The following RGS6 variants were observed in gnomAD, a reference collection of about 807,000 sequenced individuals.
RGS6 encodes the protein regulator of G-protein signaling 6.
A neutral mutation model predicts 78.5 loss-of-function variants in RGS6; 30 were observed. That is an observed-to-expected ratio of 0.38 (90% CI 0.29 to 0.52). The LOEUF is 0.52. Ranked by LOEUF, RGS6 falls within the 20% of genes least tolerant of loss-of-function variation. The probability of loss-of-function intolerance (pLI) is 0.85; values close to 1 mark genes in which losing one functional copy is unlikely to be tolerated. For synonymous variants in RGS6, 206 were observed against 206.0 expected (o/e 1.00, Z 0.00); for missense variants, 495 against 609.7 (o/e 0.81, Z 1.98).
chr14:72,329,392 G>A (rs566928765), intron 2 of RGS6, among the ~76,000 whole-genome samples: 7 of 152,248 alleles, frequency 4.6e-5, no homozygotes, highest in Non-Finnish European at 7.3e-5. Context: ...TCACACTCCA[G>A]GTGGGCAAGG....
chr14:72,176,077 G>A (rs1416712784), intron 2 of RGS6, among the ~76,000 whole-genome samples: 1 of 152,188 alleles, frequency 6.6e-6, no homozygotes, highest in African/African-American at 2.4e-5. Flanking sequence ...TAAATTCCAA[G>A]TGGCAAATCT....
chr14:72,365,211 A>G (rs2082237335), intron 3 of RGS6, among the ~76,000 whole-genome samples: 1 of 152,258 alleles, frequency 6.6e-6, no homozygotes, highest in African/African-American at 2.4e-5. Context: ...AAAAGAATGT[A>G]CTTGCCAAAA....
intron 14 of RGS6, among the ~76,000 whole-genome samples, 160 bp downstream of exon 14, chr14:72,510,439 T>C (rs1324066904): frequency 6.6e-6 from 1 of 152,230 alleles, no homozygotes; most frequent in African/African-American, 2.4e-5. Context: ...CAAATTAAAA[T>C]ATGTAACTCT....
In RGS6 at chr14:71,954,421, G is replaced by A. The variant is rs1318040966; in HGVS notation, c.-20-10351G>A. On this transcript the variant is annotated intron_variant, in intron 1 of 17. Coordinates refer to ENST00000553525, the MANE Select transcript of RGS6 (RefSeq NM_001204424.2). Reference sequence around the variant, plus strand: ...TTCATGATTGACTTTCAAGCTCATGGAGTCTTAAAAAATTTCTTAAATTTT... The same window carrying A: ...TTCATGATTGACTTTCAAGCTCATGAAGTCTTAAAAAATTTCTTAAATTTT... 4.0e-5 allele frequency among the ~76,000 whole-genome samples: 6 copies of A among 151,676 alleles called. No individual in the cohort carries two copies. The South Asian group carries it at 8.3e-4, about 21-fold the overall frequency.
intron 3 of RGS6, among the ~76,000 whole-genome samples, chr14:72,444,413 G>C (rs1026392355): frequency 6.6e-6 from 1 of 152,152 alleles, no homozygotes; most frequent in Non-Finnish European, 1.5e-5. Context: ...AGTGGCCAAG[G>C]GCTTCCCCGC....
rs117976408 is a variant in RGS6 at position 72,495,828 on chromosome 14, G to A, written c.965+566G>A. 6.3e-3 allele frequency among the ~76,000 whole-genome samples: 961 copies of A among 152,234 alleles called. 5 individuals carry two copies. The highest frequency in any genetic ancestry group is 0.01 in the Non-Finnish European group (682 of 68,012). On this transcript the variant is annotated intron_variant, in intron 13 of 17. Coordinates refer to ENST00000553525, the MANE Select transcript of RGS6 (RefSeq NM_001204424.2). ...TTCTTCTGGAGTAACTGCCAGCAAC[G>A]ATTCCAGCCAGTTTCTCCTTCCCTG... is the stretch of plus-strand genomic sequence containing the variant.
chr14:72,284,306 T>C (rs1231459750), intron 2 of RGS6, among the ~76,000 whole-genome samples: 1 of 152,124 alleles, frequency 6.6e-6, no homozygotes, highest in Non-Finnish European at 1.5e-5. Context: ...CTCCAGGGCA[T>C]GTCAGATAAC....
At chr14:72,186,936 A>T (rs1270391275) in intron 2 of RGS6, among the ~76,000 whole-genome samples, 1 of 152,202 alleles carries the variant, frequency 6.6e-6, no homozygotes. Flanking sequence ...AGTTGCAGAA[A>T]GGCTGATGTA....
At chr14:71,936,816 C>A (rs1213834078) in intron 1 of RGS6, among the ~76,000 whole-genome samples, 1 of 152,190 alleles carries the variant, frequency 6.6e-6, no homozygotes, top group Non-Finnish European at 1.5e-5. Flanking sequence ...AGGAAATACT[C>A]TTGACAATTA....
At chr14:71,982,126 C>G (rs925729847) in intron 2 of RGS6, among the ~76,000 whole-genome samples, 1 of 149,554 alleles carries the variant, frequency 6.7e-6, no homozygotes, top group Admixed American at 6.7e-5. Context: ...AGTGAGGCAA[C>G]GCCTCGCCCT....
At chr14:72,074,025 C>T (rs1367113407) in intron 2 of RGS6, among the ~76,000 whole-genome samples, 1 of 151,892 alleles carries the variant, frequency 6.6e-6, no homozygotes, top group Non-Finnish European at 1.5e-5. Context: ...TTCTAATCAC[C>T]CTGTCAACTT....
intron 17 of RGS6, among the ~76,000 whole-genome samples, chr14:72,560,771 G>A (rs2097661887): frequency 6.6e-6 from 1 of 150,630 alleles, no homozygotes; most frequent in African/African-American, 2.4e-5. Context: ...ATTCAGATAA[G>A]GTTGCTGATG....
intron 1 of RGS6, among the ~76,000 whole-genome samples, chr14:71,939,123 C>T (rs148445469): frequency 1.7e-4 from 26 of 152,284 alleles, no homozygotes; most frequent in Admixed American, 3.9e-4. Flanking sequence ...ATAAATGGGC[C>T]GGAGTAACAC....
At chr14:71,918,252 A>C in the RGS6 span, among the ~76,000 whole-genome samples, 1 of 148,488 alleles carries the variant, frequency 6.7e-6, no homozygotes, top group Non-Finnish European at 1.5e-5. Context: ...AACTTGGAGG[A>C]ACTCTCGAAC....
chr14:72,299,457 G>C (rs1359624272), intron 2 of RGS6, among the ~76,000 whole-genome samples: 1 of 152,200 alleles, frequency 6.6e-6, no homozygotes, highest in Admixed American at 6.5e-5. Flanking sequence ...ACAAATGTTT[G>C]TGTGAACACA....
chr14:71,991,613 T>A (rs1242689826), intron 2 of RGS6, among the ~76,000 whole-genome samples: 2 of 152,168 alleles, frequency 1.3e-5, no homozygotes, highest in African/African-American at 2.4e-5. Flanking sequence ...AAATAAAACA[T>A]GTAACAACCC....
intron 2 of RGS6, among the ~76,000 whole-genome samples, chr14:72,043,402 A>C (rs2092586570): frequency 6.6e-6 from 1 of 152,120 alleles, no homozygotes; most frequent in East Asian, 1.9e-4. Context: ...AACCTCTTTT[A>C]ACATTTTTTT....
At chr14:72,547,264 T>C in intron 17 of RGS6, 7 of 1,535,596 alleles carry the variant, frequency 4.6e-6, no homozygotes, top group Non-Finnish European at 6.1e-6. Flanking sequence ...GCACTGCCAA[T>C]GTCACGGTCA....
chr14:72,435,568 AGATGG>A lies in RGS6; in HGVS notation c.185-18959_185-18955del, dbSNP rs1167629308. The stretch of plus-strand genomic sequence containing the variant: ...TATAGGTCTGGAGGCCAGAAATCTG[AGATGG>A]ATCTTAGAGACTAAAATCCAGGTAT... On this transcript the variant is annotated intron_variant, in intron 3 of 17. Transcript: ENST00000553525. 2.0e-5 allele frequency among the ~76,000 whole-genome samples: 3 copies of A among 152,174 alleles called. 1 individual carries two copies. Among genetic ancestry groups the A allele is most frequent in the Non-Finnish European group, 4.4e-5 (3 of 68,044 alleles).
Sources: allele counts gnomAD v4.1 joint callset (sites outside exome capture counted in the v4.1 genomes callset), GRCh38; gene constraint gnomAD v4.1.1; transcripts MANE v1.5; gene names NCBI Gene and HGNC (gene_info 2026-07-23, HGNC 2026-07-21).